The following BEND2 variants were observed in gnomAD, a reference collection of about 807,000 sequenced individuals.
BEND2 encodes BEN domain-containing protein 2.
Under a neutral mutation model 43.8 loss-of-function variants are expected in BEND2, and 19 were observed. That is an observed-to-expected ratio of 0.43 (90% CI 0.30 to 0.64). BEND2 has a LOEUF of 0.64. BEND2 is among the 30% of genes least tolerant of loss of function. BEND2 has a pLI of 0.11. For synonymous variants in BEND2, 226 were observed against 210.1 expected, an observed-to-expected ratio of 1.08 and a Z score of -0.66; for missense variants, 544 against 574.0, an observed-to-expected ratio of 0.95 and a Z score of 0.53.
In BEND2 at chrX:18,205,405, A is replaced by C. The variant is rs772088923; in HGVS notation, c.493-1490T>G. Among the ~76,000 whole-genome samples the C allele has an allele frequency of 1.8e-4, 19 of 107,876 alleles. No individual in the cohort carries two copies. In the South Asian group the frequency reaches 6.7e-3, roughly 38 times the overall value. 93.7% of individuals were successfully genotyped at this position (107,876 alleles called of 115,157 possible). ...ACAGCAGGACTCCATCTCTAACAAA[A>C]AACAACAACAACAACAAAAACTCCG... On this transcript the variant is annotated intron_variant, in intron 4 of 13. Coordinates refer to ENST00000380033, the MANE Select transcript of BEND2 (RefSeq NM_153346.5).
At position 18,177,755 on chromosome X, in the gene BEND2, G is replaced by T; in HGVS notation, c.1444C>A (p.Pro482Thr). 1 of 1,207,168 alleles carries T rather than the reference G, an allele frequency of 8.3e-7. No homozygotes were observed. The highest frequency in any genetic ancestry group is 1.1e-6 in the Non-Finnish European group (1 of 892,009). The change falls in exon 10 of 14, where the codon CCA becomes ACA. Residue 482 changes from proline to threonine, a missense_variant. Around this residue, in one of 2 missense-constraint regions of BEND2, gnomAD observed 501 missense variants for 501.6 expected, o/e 1.00. Coordinates refer to ENST00000380033, the MANE Select transcript of BEND2 (RefSeq NM_153346.5). ...IPPKYGYLGD[P>T]KRNVRVLKIH... ...TTAAGTACTCTGACATTTCTTTTTG[G>T]ATCACCAAGATAGCCTTTAAAAATA... is the stretch of plus-strand genomic sequence containing the variant.
chrX:18,176,368 CAAAAAAA>C (rs57898259), intron 10 of BEND2, among the ~76,000 whole-genome samples: 1 of 58,295 alleles, frequency 1.7e-5, no homozygotes, highest in African/African-American at 7.0e-5. Flanking sequence ...TCTTGGTGCT[CAAAAAAA>C]AAAAAAAAAA....
At chrX:18,190,424 T>C (rs746391166) in intron 8 of BEND2, among the ~76,000 whole-genome samples, 1 of 111,709 alleles carries the variant, frequency 9.0e-6, no homozygotes, top group African/African-American at 3.2e-5. Context: ...AAAACTTGTA[T>C]AAATCTCCAG....
Position 18,216,602 on chromosome X carries a change from T to G in BEND2, c.157A>C (p.Asn53His). Residue 53 changes from asparagine (N) to histidine (H), a missense_variant, in exon 2 of 14, where the codon AAT becomes CAT. Asn to His is a moderately conservative substitution (Grantham distance 68). Transcript: ENST00000380033. ...ADDSTYVTADNPTDDTATQPN... is the reference protein window; with the variant it reads ...ADDSTYVTADHPTDDTATQPN... ...TGTGTGGCTGTGTCATCAGTGGGATTATCTGCTGTGACATAAGTGGAATCA... is the reference window on the plus strand; with the variant it reads ...TGTGTGGCTGTGTCATCAGTGGGATGATCTGCTGTGACATAAGTGGAATCA... 1 of 1,209,613 alleles carries G rather than the reference T, an allele frequency of 8.3e-7. No individual in the cohort carries two copies. Among genetic ancestry groups the G allele is most frequent in the Admixed American group, 2.2e-5 (1 of 46,016 alleles).
At chrX:18,218,767 G>A (rs1164029487) in intron 1 of BEND2, among the ~76,000 whole-genome samples, 2 of 112,012 alleles carry the variant, frequency 1.8e-5, no homozygotes, top group South Asian at 3.7e-4. Context: ...GGCTGAGGCC[G>A]GAGAATCGCT....
chrX:18,196,038 C>T (rs1380152638), intron 6 of BEND2, among the ~76,000 whole-genome samples: 1 of 111,552 alleles, frequency 9.0e-6, no homozygotes, highest in African/African-American at 3.3e-5. Flanking sequence ...AGTGGCTCCA[C>T]CTGTAATCCC....
chrX:18,188,374 T>C (rs763646723), intron 8 of BEND2, among the ~76,000 whole-genome samples: 1 of 108,882 alleles, frequency 9.2e-6, no homozygotes, highest in South Asian at 4.0e-4. Context: ...GAACTTAAAG[T>C]ATAATAAAAA....
At chrX:18,181,256 A>T (rs1022860358) in intron 8 of BEND2, among the ~76,000 whole-genome samples, 8 of 111,626 alleles carry the variant, frequency 7.2e-5, no homozygotes, top group African/African-American at 2.6e-4. Context: ...AATTAATTGC[A>T]GGGGTTTTTT....
chrX:18,180,532 A>G lies in BEND2; in HGVS notation c.1407T>C (p.Ser469=). 8.3e-7 allele frequency: 1 copy of G among 1,207,014 alleles called. No individual in the cohort carries two copies. The highest frequency in any genetic ancestry group is 1.1e-6 in the Non-Finnish European group (1 of 891,040). ...SDSGQDSSSS[S]VCIPPKYGYL... is the part of the protein sequence containing the mutation. ...CACCATACTTGGGAGGGATACAGAC[A>G]GATGATGAGGAAGAATCCTGGCCAC... The change falls in exon 9 of 14, where the codon TCT becomes TCC. Residue 469 remains serine, a synonymous_variant. Transcript: ENST00000380033.
In BEND2 at chrX:18,180,607, C is replaced by T. The variant is rs1490132161; in HGVS notation, c.1332G>A (p.Thr444=). 11 of 1,208,763 alleles carry T rather than the reference C, an allele frequency of 9.1e-6. No homozygotes were observed. The highest frequency in any genetic ancestry group is 3.5e-5 in the South Asian group (2 of 56,737). The part of the protein sequence containing the change: ...LNILVKVDTN[T]ENSVNTMNRS... Reference sequence around the variant, plus strand: ...GATTCATTGTGTTGACGCTGTTTTCCGTGTTGGTGTCTACTTTTACCAAAA... The same window carrying T: ...GATTCATTGTGTTGACGCTGTTTTCTGTGTTGGTGTCTACTTTTACCAAAA... Residue 444 remains threonine, a synonymous_variant, in exon 9 of 14, where the codon ACG becomes ACA. Transcript: ENST00000380033.
chrX:18,168,018 C>T (rs1923868133), intron 13 of BEND2, among the ~76,000 whole-genome samples: 1 of 112,571 alleles, frequency 8.9e-6, no homozygotes, highest in South Asian at 3.7e-4. Context: ...GTGAGGAATT[C>T]TGGAGGGAAA....
intron 9 of BEND2, among the ~76,000 whole-genome samples, chrX:18,178,283 A>G (rs1317406613): frequency 3.6e-5 from 4 of 111,705 alleles, no homozygotes; most frequent in Admixed American, 9.6e-5. Context: ...AATATTTTAC[A>G]TCTGTGCACT....
intron 10 of BEND2, among the ~76,000 whole-genome samples, chrX:18,176,459 G>C (rs1459380410): frequency 9.3e-6 from 1 of 108,087 alleles, no homozygotes. Flanking sequence ...CAGGAGGATC[G>C]CTTGAGATCA....
intron 4 of BEND2, among the ~76,000 whole-genome samples, chrX:18,211,475 C>T (rs1925497948): frequency 8.9e-6 from 1 of 111,993 alleles, no homozygotes. Context: ...TGCAAACAAC[C>T]CAAATGTCCA....
At chrX:18,196,299 T>C (rs1403546850) in intron 6 of BEND2, among the ~76,000 whole-genome samples, 4 of 103,211 alleles carry the variant, frequency 3.9e-5, no homozygotes, top group Non-Finnish European at 5.9e-5. Context: ...ACTGTCTCAA[T>C]TGAAAAAAAA....
chrX:18,212,999 G>A (rs1218306648), intron 3 of BEND2, among the ~76,000 whole-genome samples: 1 of 111,332 alleles, frequency 9.0e-6, no homozygotes, highest in South Asian at 3.8e-4. Context: ...TTTTGTAAAG[G>A]AGCCCCCAAA....
chrX:18,174,222 C>A lies in BEND2; in HGVS notation c.1789G>T (p.Val597Phe). The A allele has an allele frequency of 8.3e-7, 1 of 1,211,477 alleles. No homozygotes were observed. The highest frequency in any genetic ancestry group is 1.1e-6 in the Non-Finnish European group (1 of 895,386). The stretch of plus-strand genomic sequence containing the variant: ...TTTCTATCTGCAGATGCCGATGCAA[C>A]ACGGTTGGTACGTTTTTTATTTTTG... Reference protein sequence around the residue: ...VRKNKKRTNRVASASADRNDQ... With the variant: ...VRKNKKRTNRFASASADRNDQ... The change falls in exon 12 of 14, where the codon GTT becomes TTT. Residue 597 changes from valine to phenylalanine, a missense_variant. This residue lies in a region of BEND2 where 501 missense variants were observed against 501.6 expected (regional missense o/e 1.00). Coordinates refer to ENST00000380033, the MANE Select transcript of BEND2 (RefSeq NM_153346.5).
intron 8 of BEND2, among the ~76,000 whole-genome samples, chrX:18,183,042 C>CAAAAAAAAAAAAAAAAAAAAAAAA (rs56812732): frequency 2.5e-5 from 1 of 40,786 alleles, no homozygotes; most frequent in Non-Finnish European, 4.0e-5. Context: ...ACTCTGTCTC[C>CAAAAAAAAAAAAAAAAAAAAAAAA]AAAAAAAAAA....
At chrX:18,168,242 G>A (rs1923874475) in intron 13 of BEND2, among the ~76,000 whole-genome samples, 1 of 112,064 alleles carries the variant, frequency 8.9e-6, no homozygotes, top group Non-Finnish European at 1.9e-5. Context: ...ACTTAAAAGG[G>A]AGTGTCTTTA....
Sources: gnomAD v4.1 joint callset for allele counts (sites outside exome capture counted in the v4.1 genomes callset) on GRCh38, gnomAD v4.1.1 for gene constraint, gnomAD v4.1.1 regional missense constraint, MANE v1.5 for transcripts, NCBI Gene and HGNC (gene_info 2026-07-23, HGNC 2026-07-21) for gene names.